Variants in SLC35F1 observed in about 807,000 individuals in gnomAD.
SLC35F1 encodes solute carrier family 35 member F1, also known as chromosome 6 open reading frame 169.
Under a neutral mutation model 48.7 loss-of-function variants are expected in SLC35F1, and 14 were observed. The observed-to-expected ratio is 0.29, with a 90% CI of 0.19 to 0.45. The LOEUF (loss-of-function observed/expected upper bound fraction) is 0.45, where lower values mean the gene tolerates loss of function less well. Ranked by LOEUF, SLC35F1 falls within the 20% of genes least tolerant of loss-of-function variation. The probability of loss-of-function intolerance (pLI) is 1.00; values close to 1 mark genes in which losing one functional copy is unlikely to be tolerated. For synonymous variants in SLC35F1, 190 were observed against 202.2 expected, an observed-to-expected ratio of 0.94 and a Z score of 0.51; for missense variants, 404 against 500.0, an observed-to-expected ratio of 0.81 and a Z score of 1.83.
chr6:117,981,554 G>T (rs569927489), intron 1 of SLC35F1, among the ~76,000 whole-genome samples: 2 of 152,188 alleles, frequency 1.3e-5, no homozygotes, highest in African/African-American at 4.8e-5. Flanking sequence ...AACTTAGTGG[G>T]ATTACATTAT....
rs748352146 is a variant in SLC35F1, at chr6:118,297,633, TATATAAAAAA to T, written c.1002+12296_1002+12305del. Among the ~76,000 whole-genome samples the T allele has an allele frequency of 1.4e-3, 146 of 102,672 alleles. 1 individual carries two copies. The highest frequency in any genetic ancestry group is 2.5e-3 in the African/African-American group (61 of 24,596). The allele number at this position is 102,672 out of a possible 152,430, so 67.4% of individuals were successfully genotyped here. A position where few individuals can be genotyped will look rare whatever the true frequency, so the allele number is the denominator to read the frequency against. On this transcript the variant is annotated intron_variant, in intron 7 of 7. Coordinates refer to ENST00000360388, the MANE Select transcript of SLC35F1 (RefSeq NM_001029858.4). ...TTTTTTCTCAGAACTTATATATATA[TATATAAAAAA>T]TATATATATAATATATATAATATTA...
At chr6:118,067,648 A>G (rs1772636451) in intron 1 of SLC35F1, among the ~76,000 whole-genome samples, 1 of 152,198 alleles carries the variant, frequency 6.6e-6, no homozygotes, top group Non-Finnish European at 1.5e-5. Flanking sequence ...AAGGCTAAAG[A>G]CAGGTGATTC....
Position 118,285,266 on chromosome 6 carries a change from T to A in SLC35F1, c.930T>A (p.Thr310=). The change falls in exon 7 of 8, where the codon ACT becomes ACA. Residue 310 remains threonine (T), a synonymous_variant. Transcript: ENST00000360388. ...MPVVIKKTSA[T]SVNLSLLTAD... ...TCGTCATAAAGAAAACCAGTGCCACTTCAGTCAACCTCTCCTTGCTCACAG... is the reference window on the plus strand; with the variant it reads ...TCGTCATAAAGAAAACCAGTGCCACATCAGTCAACCTCTCCTTGCTCACAG... The A allele has an allele frequency of 6.2e-7, 1 of 1,614,054 alleles. No individual in the cohort carries two copies. Among genetic ancestry groups the A allele is most frequent in the South Asian group, 1.1e-5 (1 of 91,086 alleles).
intron 1 of SLC35F1, among the ~76,000 whole-genome samples, chr6:117,957,372 G>A (rs943688342): frequency 9.9e-5 from 15 of 152,244 alleles, no homozygotes; most frequent in African/African-American, 2.4e-4. Context: ...AGAAAAAAGA[G>A]CATCAAAGTG....
chr6:117,970,734 G>C (rs1776627163), intron 1 of SLC35F1, among the ~76,000 whole-genome samples: 1 of 152,152 alleles, frequency 6.6e-6, no homozygotes, highest in Non-Finnish European at 1.5e-5. Flanking sequence ...AGAATGTTCA[G>C]GGGAACTGCC....
intron 1 of SLC35F1, among the ~76,000 whole-genome samples, chr6:117,937,445 C>G (rs1776175194): frequency 6.6e-6 from 1 of 152,134 alleles, no homozygotes; most frequent in Admixed American, 6.5e-5. Context: ...CAAATTAATG[C>G]TAAATTTACT....
intron 1 of SLC35F1, among the ~76,000 whole-genome samples, chr6:117,931,453 T>G (rs1324583939): frequency 6.6e-6 from 1 of 152,246 alleles, no homozygotes; most frequent in Admixed American, 6.5e-5. Flanking sequence ...TTATTTTCAC[T>G]GTGAATGTGG....
rs71736225 is a variant in SLC35F1, at chr6:118,166,165, T to TA, written c.349+11555dup. On this transcript the variant is annotated intron_variant, in intron 2 of 7. Transcript: ENST00000360388. ...AAAAAAATTAAAAATAATGCAAGAT[T>TA]AAAAAAAAAAGAGTTGCAAAATGCT... 3.4e-3 allele frequency among the ~76,000 whole-genome samples: 495 copies of TA among 147,408 alleles called. 2 individuals carry two copies. The highest frequency in any genetic ancestry group is 0.012 in the African/African-American group (464 of 40,220).
intron 1 of SLC35F1, among the ~76,000 whole-genome samples, chr6:118,045,813 C>T (rs930736819): frequency 6.6e-6 from 1 of 152,184 alleles, no homozygotes; most frequent in Non-Finnish European, 1.5e-5. Flanking sequence ...ATGGTATTCT[C>T]ACATGCTTTG....
rs1204237560 is a variant in SLC35F1, at chr6:118,208,073, TCACA to T, written c.350-27427_350-27424del. 2.5e-3 allele frequency among the ~76,000 whole-genome samples: 376 copies of T among 151,302 alleles called. 4 individuals are homozygous for T. The highest frequency in any genetic ancestry group is 8.9e-3 in the African/African-American group (369 of 41,230). On this transcript the variant is annotated intron_variant, in intron 2 of 7. Transcript: ENST00000360388. ...AGAGCCCCCCTCCTCTCTCTCTCTC[TCACA>T]CACACACATACACACACATGCACGC...
intron 1 of SLC35F1, among the ~76,000 whole-genome samples, chr6:118,082,776 C>A (rs556539121): frequency 6.6e-6 from 1 of 152,146 alleles, no homozygotes; most frequent in Non-Finnish European, 1.5e-5. Context: ...CAGTCCCAAG[C>A]CTATTCCCTT....
chr6:117,966,178 C>T (rs923477968), intron 1 of SLC35F1, among the ~76,000 whole-genome samples: 2 of 148,842 alleles, frequency 1.3e-5, no homozygotes, highest in Non-Finnish European at 3.0e-5. Flanking sequence ...CGGTACCCTG[C>T]TGGGGTCCCT....
At chr6:118,150,800 T>C (rs183260642) in intron 1 of SLC35F1, among the ~76,000 whole-genome samples, 21 of 152,358 alleles carry the variant, frequency 1.4e-4, no homozygotes, top group African/African-American at 5.0e-4. Flanking sequence ...ATCATTGATA[T>C]TATGTTACAT....
intron 1 of SLC35F1, among the ~76,000 whole-genome samples, chr6:118,096,813 G>A (rs1285613956): frequency 1.3e-5 from 2 of 152,054 alleles, no homozygotes; most frequent in Admixed American, 6.6e-5. Flanking sequence ...TACTATTTGT[G>A]GTTTCACTCC....
intron 3 of SLC35F1, among the ~76,000 whole-genome samples, chr6:118,236,813 G>A (rs1775371255): frequency 6.6e-6 from 1 of 152,194 alleles, no homozygotes; most frequent in South Asian, 2.1e-4. Context: ...CTTTTAGACT[G>A]ATGTTGGAAG....
chr6:118,235,790 C>A (rs1775357331), intron 3 of SLC35F1, among the ~76,000 whole-genome samples, 154 bp downstream of exon 3: 1 of 151,994 alleles, frequency 6.6e-6, no homozygotes, highest in Admixed American at 6.6e-5. Flanking sequence ...TACTATAAGT[C>A]TATGAGTTTT....
intron 1 of SLC35F1, among the ~76,000 whole-genome samples, chr6:117,983,336 G>T (rs1776806604): frequency 6.6e-6 from 1 of 152,094 alleles, no homozygotes; most frequent in South Asian, 2.1e-4. Flanking sequence ...CAGCACTTTG[G>T]GAGGCTGAGG....
intron 7 of SLC35F1, among the ~76,000 whole-genome samples, chr6:118,306,375 G>C (rs900573427): frequency 4.6e-5 from 7 of 152,196 alleles, no homozygotes; most frequent in Non-Finnish European, 1.0e-4. Context: ...TTGTAATGGG[G>C]CAGAAGTCTC....
intron 6 of SLC35F1, among the ~76,000 whole-genome samples, chr6:118,281,175 A>ACACT (rs755032974): frequency 3.6e-5 from 5 of 137,688 alleles, no homozygotes; most frequent in Non-Finnish European, 7.7e-5. Flanking sequence ...ATATATAGTA[A>ACACT]CTCTCTCTCT....
Sources: gnomAD v4.1 joint callset for allele counts (sites outside exome capture counted in the v4.1 genomes callset) on GRCh38, gnomAD v4.1.1 for gene constraint, MANE v1.5 for transcripts, NCBI Gene and HGNC (gene_info 2026-07-23, HGNC 2026-07-21) for gene names.